The following TRPM7 variants were observed in gnomAD, a reference collection of about 807,000 sequenced individuals.
TRPM7 encodes transient receptor potential cation channel subfamily M member 7.
In TRPM7, 134 loss-of-function variants were observed where a neutral mutation model predicts 229.7. The ratio of observed to expected loss-of-function variants is 0.58; its 90% CI spans 0.51 to 0.67. The LOEUF (loss-of-function observed/expected upper bound fraction) is 0.67. Among genes scored for constraint, TRPM7 ranks in the 30% least tolerant of loss-of-function variants. The probability of loss-of-function intolerance (pLI) is 0.00; values close to 1 mark genes in which losing one functional copy is unlikely to be tolerated. For synonymous variants in TRPM7, 699 were observed against 715.2 expected (o/e 0.98, Z 0.36); for missense variants, 1,901 against 2,210.0 (o/e 0.86, Z 2.80).
Position 50,638,359 on chromosome 15 carries a change from A to C in TRPM7, c.661-766T>G, listed in dbSNP as rs1331539559. ...GGGCGACAGAGCGAGACTCCGTCTC[A>C]AAAAAAAAAAAAAAAAAAAAAAAAA... is the stretch of plus-strand genomic sequence containing the variant. On this transcript the variant is annotated intron_variant, in intron 6 of 38. Transcript: ENST00000646667. 4.0e-3 allele frequency among the ~76,000 whole-genome samples: 5 copies of C among 1,252 alleles called. 1 individual carries two copies. The highest frequency in any genetic ancestry group is 7.9e-3 in the Non-Finnish European group (2 of 252). 0.8% of individuals were successfully genotyped at this position (1,252 alleles called of 152,430 possible). A position where few individuals can be genotyped will look rare whatever the true frequency, so the allele number is the denominator to read the frequency against.
intron 1 of TRPM7, among the ~76,000 whole-genome samples, chr15:50,667,040 T>C (rs1190011110): frequency 2.0e-5 from 3 of 152,084 alleles, no homozygotes; most frequent in Non-Finnish European, 4.4e-5. Flanking sequence ...AGGACCCCTT[T>C]CTGGTAACAT....
In TRPM7 at chr15:50,575,801, TGA is replaced by T. The variant is rs753725859; in HGVS notation, c.4670-14_4670-13del. ...ATTTCTTTCCACAGCTGCATAAAAATGAGAGAGAAATAATTAAATCTGTAAAG... is the reference window on the plus strand; with the variant it reads ...ATTTCTTTCCACAGCTGCATAAAAATGAGAGAAATAATTAAATCTGTAAAG... On this transcript the variant is annotated splice_polypyrimidine_tract_variant and intron_variant, in intron 32 of 38. Coordinates refer to ENST00000646667, the MANE Select transcript of TRPM7 (RefSeq NM_017672.6). The T allele has an allele frequency of 2.7e-5, 43 of 1,613,304 alleles. 1 individual carries two copies. The Admixed American group carries it at 3.5e-4, about 13-fold the overall frequency.
intron 8 of TRPM7, among the ~76,000 whole-genome samples, chr15:50,633,554 T>C (rs1465479154): frequency 6.6e-6 from 1 of 152,202 alleles, no homozygotes; most frequent in Non-Finnish European, 1.5e-5. Context: ...TCTCCTTTTA[T>C]TCTATATAAA....
At chr15:50,598,817 T>C (rs963102562) in intron 22 of TRPM7, among the ~76,000 whole-genome samples, 2 of 152,190 alleles carry the variant, frequency 1.3e-5, no homozygotes, top group African/African-American at 4.8e-5. Flanking sequence ...TGTCCTTAGC[T>C]ATGAATTAAC....
rs1167377626 is a variant in TRPM7 at position 50,623,365 on chromosome 15, T to C, written c.1440+801A>G. On this transcript the variant is annotated intron_variant, in intron 12 of 38. Coordinates refer to ENST00000646667, the MANE Select transcript of TRPM7 (RefSeq NM_017672.6). ...AGGCGGAGGCTGCAGTGAGCAAAGA[T>C]GGCACCACTGCACTCCAGCCTGGTG... is the stretch of plus-strand genomic sequence containing the variant. Among the ~76,000 whole-genome samples the C allele has an allele frequency of 2.0e-5, 3 of 149,790 alleles. No individual in the cohort carries two copies. In the East Asian group the frequency reaches 5.9e-4, roughly 29 times the overall value.
intron 27 of TRPM7, among the ~76,000 whole-genome samples, chr15:50,589,324 A>C: frequency 6.7e-6 from 1 of 149,978 alleles, no homozygotes; most frequent in African/African-American, 2.4e-5. Context: ...CGTCTCAAAA[A>C]AAAAAAAAAA....
intron 13 of TRPM7, among the ~76,000 whole-genome samples, chr15:50,617,490 G>A (rs1381842292): frequency 6.6e-6 from 1 of 150,598 alleles, no homozygotes; most frequent in Non-Finnish European, 1.5e-5. Context: ...GCAAGAAAGG[G>A]CAAAACTTCA....
rs943493999 is a variant in TRPM7, at chr15:50,561,680, A to G, written c.5596T>C (p.Ter1866GlnextTer2). Residue 1866 changes from the stop codon to glutamine, a stop_lost, in exon 39 of 39, where the codon TAA becomes CAA. Transcript: ENST00000646667. Reference protein sequence around the residue: ...ESTNSVRLML* With the variant: ...ESTNSVRLMLQ ...CCAATGATTCAGTAATATTAATATT[A>G]TAACATCAGACGAACAGAATTAGTT... is the stretch of plus-strand genomic sequence containing the variant. The G allele has an allele frequency of 1.2e-6, 2 of 1,605,182 alleles. No individual in the cohort carries two copies. The highest frequency in any genetic ancestry group is 1.7e-6 in the Non-Finnish European group (2 of 1,178,050).
chr15:50,665,495 C>T (rs1166384838), intron 1 of TRPM7, among the ~76,000 whole-genome samples: 2 of 151,800 alleles, frequency 1.3e-5, no homozygotes, highest in Admixed American at 6.6e-5. Context: ...GATCACAATG[C>T]AATTAACATA....
chr15:50,620,501 C>A (rs1442879625), intron 12 of TRPM7, among the ~76,000 whole-genome samples: 1 of 152,012 alleles, frequency 6.6e-6, no homozygotes, highest in Non-Finnish European at 1.5e-5. Context: ...GGGCCACCTA[C>A]CATTATTTCT....
intron 38 of TRPM7, among the ~76,000 whole-genome samples, chr15:50,563,500 A>G (rs572851463): frequency 6.6e-6 from 1 of 152,200 alleles, no homozygotes; most frequent in East Asian, 1.9e-4. Flanking sequence ...AAGACAGAGA[A>G]GAGCAGATGA....
intron 20 of TRPM7, 85 bp from the exon 21 acceptor site, chr15:50,605,229 A>T: frequency 9.1e-7 from 1 of 1,094,520 alleles, no homozygotes; most frequent in Non-Finnish European, 1.3e-6. Context: ...ACATTACAGT[A>T]GAATTTCACA....
intron 30 of TRPM7, among the ~76,000 whole-genome samples, chr15:50,580,424 T>G (rs912413240): frequency 1.3e-5 from 2 of 152,176 alleles, no homozygotes; most frequent in African/African-American, 2.4e-5. Context: ...GATCTTCCTG[T>G]ATGCAGGCTT....
chr15:50,614,716 A>C (rs2060170775), intron 13 of TRPM7, among the ~76,000 whole-genome samples: 2 of 151,504 alleles, frequency 1.3e-5, no homozygotes, highest in South Asian at 4.2e-4. Context: ...GCCAGCAGCT[A>C]AGCTATCTTT....
At chr15:50,619,921 A>G (rs2060342489) in intron 12 of TRPM7, 123 bp from the exon 13 acceptor site, 10 of 800,576 alleles carry the variant, frequency 1.2e-5, no homozygotes, top group East Asian at 3.1e-5. Flanking sequence ...CTTAAGTTCT[A>G]TTCATAAAGT....
intron 13 of TRPM7, among the ~76,000 whole-genome samples, chr15:50,618,823 T>A (rs898863239): frequency 6.6e-6 from 1 of 152,090 alleles, no homozygotes; most frequent in South Asian, 2.1e-4. Context: ...TTCCACTCTA[T>A]GTCCATAGGT....
chr15:50,679,459 C>A (rs796716509), intron 1 of TRPM7, among the ~76,000 whole-genome samples: 1 of 130,938 alleles, frequency 7.6e-6, no homozygotes, highest in Admixed American at 7.5e-5. Flanking sequence ...TAGGTTTCTA[C>A]AGGTTTTATT....
chr15:50,664,881 C>A (rs1596333944), intron 1 of TRPM7, among the ~76,000 whole-genome samples: 1 of 152,140 alleles, frequency 6.6e-6, no homozygotes, highest in Non-Finnish European at 1.5e-5. Flanking sequence ...GAGAGGATCA[C>A]TTGAGCCTGG....
At chr15:50,570,380 A>G (rs573957995) in intron 36 of TRPM7, among the ~76,000 whole-genome samples, 1 of 152,322 alleles carries the variant, frequency 6.6e-6, no homozygotes, top group African/African-American at 2.4e-5. Flanking sequence ...TAATGTGAAC[A>G]AGAGTTAAAC....
Sources: gnomAD v4.1 joint callset for allele counts (sites outside exome capture counted in the v4.1 genomes callset) on GRCh38, gnomAD v4.1.1 for gene constraint, MANE v1.5 for transcripts, NCBI Gene and HGNC (gene_info 2026-07-23, HGNC 2026-07-21) for gene names.